The following PHACTR2 variants were observed in gnomAD, a reference collection of about 807,000 sequenced individuals.
The protein encoded by PHACTR2 is chromosome 6 open reading frame 56.
Under a neutral mutation model 76.0 loss-of-function variants are expected in PHACTR2, and 30 were observed. That is an observed-to-expected ratio of 0.39 (90% CI 0.30 to 0.54). The LOEUF (loss-of-function observed/expected upper bound fraction) is 0.54. Ranked by LOEUF, PHACTR2 falls within the 20% of genes least tolerant of loss-of-function variation. PHACTR2 has a pLI of 0.61. For missense variants in PHACTR2, 696 were observed against 781.1 expected, an observed-to-expected ratio of 0.89 and a Z score of 1.30; for synonymous variants, 292 against 292.5, an observed-to-expected ratio of 1.00 and a Z score of 0.02.
chr6:143,767,172 A>C lies in PHACTR2; in HGVS notation c.1232+1374A>C, dbSNP rs1305775422. Among the ~76,000 whole-genome samples the C allele has an allele frequency of 6.6e-6, 1 of 152,214 alleles. No homozygotes were observed. Among genetic ancestry groups the C allele is most frequent in the African/African-American group, 2.4e-5 (1 of 41,448 alleles). On this transcript the variant is annotated intron_variant, in intron 6 of 12. Coordinates refer to ENST00000440869, the MANE Select transcript of PHACTR2 (RefSeq NM_001100164.2). This position sits in a 1 kb window ranked among gnomAD's most constrained non-coding sequence, Gnocchi z 4.4. ...ACATGTATTATCATTTTATTTACAC[A>C]AGTCTTCCCAAAAGTATCCCTGTTT... is the stretch of plus-strand genomic sequence containing the variant.
intron 2 of PHACTR2, among the ~76,000 whole-genome samples, chr6:143,741,905 C>A (rs1421007305): frequency 6.6e-6 from 1 of 152,006 alleles, no homozygotes; most frequent in African/African-American, 2.4e-5. Context: ...AGTTCGAGAC[C>A]AGCCTGGCCA....
At chr6:143,569,432 T>C (rs12664485) in intron 1 of PHACTR2, among the ~76,000 whole-genome samples, 9,020 of 152,266 alleles carry the variant, frequency 0.059, 318 homozygotes, top group South Asian at 0.078. Flanking sequence ...GTCAAGCCAA[T>C]GATATCTGGG....
At position 143,819,607 on chromosome 6, in the gene PHACTR2, C is replaced by T. The variant is rs756497585; in HGVS notation, c.1923-4067C>T. Among the ~76,000 whole-genome samples the T allele has an allele frequency of 3.3e-5, 5 of 152,084 alleles. No individual in the cohort carries two copies. Among genetic ancestry groups the T allele is most frequent in the Non-Finnish European group, 7.4e-5 (5 of 68,014 alleles). The stretch of plus-strand genomic sequence containing the variant: ...GCAGTGGGGAGTACTGGTGTAAGTT[C>T]TGGAGTACAAAGGGTGGGGAGCCTG... On this transcript the variant is annotated intron_variant, in intron 12 of 12. Coordinates refer to ENST00000440869, the MANE Select transcript of PHACTR2 (RefSeq NM_001100164.2). The surrounding 1 kb of genome is among the most constrained non-coding windows in gnomAD (Gnocchi z 5.0).
At chr6:143,574,630 T>C (rs1019285739) in intron 1 of PHACTR2, among the ~76,000 whole-genome samples, 2 of 152,102 alleles carry the variant, frequency 1.3e-5, no homozygotes, top group African/African-American at 2.4e-5. Context: ...CAAATACTGG[T>C]AAAATGATTC....
rs1179378290 is a variant in PHACTR2 at position 143,602,074 on chromosome 6, A to G, written c.217+64867A>G. Among the ~76,000 whole-genome samples, 1 of 152,196 alleles carries G rather than the reference A, an allele frequency of 6.6e-6. No individual in the cohort carries two copies. The highest frequency in any genetic ancestry group is 1.5e-5 in the Non-Finnish European group (1 of 68,038). On this transcript the variant is annotated intron_variant, in intron 1 of 11. Coordinates refer to the PHACTR2 transcript ENST00000367584. The surrounding 1 kb of genome is among the most constrained non-coding windows in gnomAD (Gnocchi z 6.1). ...ACTCTTTTAGTTATTTTGAAATATA[A>G]AATACGATTGTTAACTATAGTCACC... is the stretch of plus-strand genomic sequence containing the variant.
intron 2 of PHACTR2, among the ~76,000 whole-genome samples, chr6:143,741,918 G>A (rs976206620): frequency 1.3e-5 from 2 of 151,898 alleles, no homozygotes; most frequent in Non-Finnish European, 2.9e-5. Context: ...CCTGGCCAAC[G>A]TGGTGAAACC....
rs1322876520 is a variant in PHACTR2, at chr6:143,562,418, C to A, written c.217+25211C>A. 6.6e-6 allele frequency among the ~76,000 whole-genome samples: 1 copy of A among 152,118 alleles called. No homozygotes were observed. Among genetic ancestry groups the A allele is most frequent in the Non-Finnish European group, 1.5e-5 (1 of 68,024 alleles). ...GAGACTGGGTTGGAGGTGCCACTTACTTTTAAGTGACCAGGTCTCACGAGA... is the reference window on the plus strand; with the variant it reads ...GAGACTGGGTTGGAGGTGCCACTTAATTTTAAGTGACCAGGTCTCACGAGA... On this transcript the variant is annotated intron_variant, in intron 1 of 11. Transcript: ENST00000367584. The surrounding 1 kb of genome is among the most constrained non-coding windows in gnomAD (Gnocchi z 5.1).
rs11969396 is a variant in PHACTR2, at chr6:143,824,145, T to A, written c.*456T>A. 8,424 of 160,556 alleles carry A rather than the reference T, an allele frequency of 0.052. 256 individuals are homozygous for A. Among genetic ancestry groups the A allele is most frequent in the South Asian group, 0.12 (688 of 5,600 alleles). The allele number at this position is 160,556 out of a possible 1,614,324, so 9.9% of individuals were successfully genotyped here. A position where few individuals can be genotyped will look rare whatever the true frequency, so the allele number is the denominator to read the frequency against. On this transcript the variant is annotated 3_prime_UTR_variant, in exon 13 of 13. Coordinates refer to ENST00000440869, the MANE Select transcript of PHACTR2 (RefSeq NM_001100164.2). The surrounding 1 kb of genome is among the most constrained non-coding windows in gnomAD (Gnocchi z 6.3). ...ATGAAGAAAAGAGAAAATTGAAGCA[T>A]AAATGTATTTTTGAAGTAGTTATTC...
At chr6:143,771,142 A>ATG (rs1554227158) in intron 6 of PHACTR2, among the ~76,000 whole-genome samples, 654 of 32,180 alleles carry the variant, frequency 0.02, 38 homozygotes, top group African/African-American at 0.06. Context: ...ATATATATAT[A>ATG]TGTATATATA....
intron 1 of PHACTR2, among the ~76,000 whole-genome samples, chr6:143,576,672 T>C (rs1775516901): frequency 6.6e-6 from 1 of 151,808 alleles, no homozygotes; most frequent in South Asian, 2.1e-4. Flanking sequence ...AGGTCAGGAG[T>C]TCGAGACCAG....
At position 143,554,732 on chromosome 6, in the gene PHACTR2, A is replaced by G. The variant is rs1171659792; in HGVS notation, c.217+17525A>G. ...CCAGGAGCCTGACTAAAGCTTGGTC[A>G]CTCAAATAATCTTTGTCACTGCCAG... On this transcript the variant is annotated intron_variant, in intron 1 of 11. Coordinates refer to the PHACTR2 transcript ENST00000367584. The surrounding 1 kb of genome is among the most constrained non-coding windows in gnomAD (Gnocchi z 5.9). 6.6e-6 allele frequency: 1 copy of G among 152,200 alleles called. No homozygotes were observed. Among genetic ancestry groups the G allele is most frequent in the African/African-American group, 2.4e-5 (1 of 41,456 alleles). The allele number at this position is 152,200 out of a possible 1,614,324, so 9.4% of individuals were successfully genotyped here.
At chr6:143,622,229 C>T (rs1011202681) in intron 1 of PHACTR2, among the ~76,000 whole-genome samples, 18 of 152,054 alleles carry the variant, frequency 1.2e-4, no homozygotes, top group African/African-American at 4.1e-4. Context: ...GAGATCCTGC[C>T]CAAACCTCAG....
At chr6:143,677,397 A>C (rs1777269445), upstream of PHACTR2, among the ~76,000 whole-genome samples, 1 of 152,138 alleles carries the variant, frequency 6.6e-6, no homozygotes, top group Non-Finnish European at 1.5e-5. Context: ...GTGTATTTTA[A>C]TCACTTTATT....
chr6:143,589,288 C>G lies in PHACTR2; in HGVS notation c.217+52081C>G, dbSNP rs1334632387. 6.6e-6 allele frequency among the ~76,000 whole-genome samples: 1 copy of G among 152,112 alleles called. No individual in the cohort carries two copies. Among genetic ancestry groups the G allele is most frequent in the East Asian group, 1.9e-4 (1 of 5,188 alleles). The stretch of plus-strand genomic sequence containing the variant: ...GATTGGATCATGGGGGTGGATTTCC[C>G]CCTTGCTGTTGTCATGATAGTGAAT... On this transcript the variant is annotated intron_variant, in intron 1 of 11. Transcript: ENST00000367584. This position sits in a 1 kb window ranked among gnomAD's most constrained non-coding sequence, Gnocchi z 4.4.
intron 1 of PHACTR2, among the ~76,000 whole-genome samples, chr6:143,692,263 G>A (rs1777661885): frequency 6.6e-6 from 1 of 152,088 alleles, no homozygotes; most frequent in Non-Finnish European, 1.5e-5. Context: ...TATTATAAAG[G>A]GATTTTGTGT....
intron 1 of PHACTR2, among the ~76,000 whole-genome samples, chr6:143,632,770 T>C (rs1562254120): frequency 2.0e-5 from 3 of 152,104 alleles, no homozygotes; most frequent in African/African-American, 4.8e-5. Flanking sequence ...TCATCCCTTT[T>C]CCCCCCTAAA....
Position 143,772,421 on chromosome 6 carries a change from G to A in PHACTR2, c.1396G>A (p.Glu466Lys), listed in dbSNP as rs1404846299. The change falls in exon 7 of 13, where the codon GAG (glutamate) becomes AAG (lysine). Residue 466 changes from glutamate to lysine, a missense_variant. Glu to Lys is a moderately conservative substitution (Grantham distance 56, BLOSUM62 1). This residue lies in a region of PHACTR2 where 236 missense variants were observed against 330.2 expected (regional missense o/e 0.71). Coordinates refer to ENST00000440869, the MANE Select transcript of PHACTR2 (RefSeq NM_001100164.2). This position sits in a 1 kb window ranked among gnomAD's most constrained non-coding sequence, Gnocchi z 5.4. ...CGGGCCTATCTTGTACACCGATGAT[G>A]AGGACGAAGACGAAGATGAGGATGG... ...SDGPILYTDD[E>K]DEDEDEDGSG... 2 of 1,614,020 alleles carry A rather than the reference G, an allele frequency of 1.2e-6. No homozygotes were observed. Among genetic ancestry groups the A allele is most frequent in the African/African-American group, 1.3e-5 (1 of 74,920 alleles).
In PHACTR2 at chr6:143,623,124, A is replaced by G. The variant is rs1342478050; in HGVS notation, c.13+14802A>G. Among the ~76,000 whole-genome samples the G allele has an allele frequency of 6.6e-6, 1 of 152,218 alleles. No individual in the cohort carries two copies. The highest frequency in any genetic ancestry group is 2.4e-5 in the African/African-American group (1 of 41,448). ...GGAAATGTGAGAGTGGAAAAAAGCA[A>G]TTTTTAAAAATAGCATATTTTTAGA... is the stretch of plus-strand genomic sequence containing the variant. On this transcript the variant is annotated intron_variant, in intron 1 of 11. Transcript: ENST00000305766. This position sits in a 1 kb window ranked among gnomAD's most constrained non-coding sequence, Gnocchi z 5.9.
At chr6:143,725,050 A>ATG (rs917184365) in intron 2 of PHACTR2, among the ~76,000 whole-genome samples, 6 of 152,182 alleles carry the variant, frequency 3.9e-5, no homozygotes, top group African/African-American at 1.4e-4. Flanking sequence ...GTCATTCACC[A>ATG]TGTGGGTGTT....
Sources: gnomAD v4.1 joint callset for allele counts (sites outside exome capture counted in the v4.1 genomes callset) on GRCh38, gnomAD v4.1.1 for gene constraint, gnomAD v4.1.1 regional missense constraint, Gnocchi (gnomAD v3.1) non-coding constraint, MANE v1.5 for transcripts, NCBI Gene and HGNC (gene_info 2026-07-23, HGNC 2026-07-21) for gene names.